Variants in EHBP1 observed in about 807,000 individuals in gnomAD.
EHBP1 encodes EH domain-binding protein 1.
EHBP1 carries 55 observed loss-of-function variants against 144.0 expected under a neutral mutation model. The ratio of observed to expected loss-of-function variants is 0.38; its 90% CI spans 0.31 to 0.48. EHBP1 has a LOEUF of 0.48. Among genes scored for constraint, EHBP1 ranks in the 20% least tolerant of loss-of-function variants. EHBP1 has a pLI of 0.98. For synonymous variants in EHBP1, 469 were observed against 472.7 expected (o/e 0.99, Z 0.10); for missense variants, 1,200 against 1,364.2 (o/e 0.88, Z 1.90).
chr2:62,997,033 C>CA (rs1314585141), intron 19 of EHBP1, among the ~76,000 whole-genome samples: 1 of 151,834 alleles, frequency 6.6e-6, no homozygotes, highest in Non-Finnish European at 1.5e-5. Context: ...ATCTGTGCCT[C>CA]ATTGATATGC....
At chr2:62,704,035 T>G (rs2034360926), upstream of EHBP1, among the ~76,000 whole-genome samples, 1 of 152,192 alleles carries the variant, frequency 6.6e-6, no homozygotes, top group Admixed American at 6.5e-5. Flanking sequence ...ATTAAAAAAC[T>G]CCACACACTT....
At chr2:62,824,177 TAA>T (rs1437699197) in intron 5 of EHBP1, among the ~76,000 whole-genome samples, 1 of 152,024 alleles carries the variant, frequency 6.6e-6, no homozygotes, top group Non-Finnish European at 1.5e-5. Flanking sequence ...ATTCTTAAAC[TAA>T]GTTTTCAAAA....
At chr2:62,728,076 A>C (rs1029004089) in intron 2 of EHBP1, among the ~76,000 whole-genome samples, 1 of 152,240 alleles carries the variant, frequency 6.6e-6, no homozygotes, top group South Asian at 2.1e-4. Flanking sequence ...ACACCCTAGT[A>C]GTCTGGCCAG....
chr2:62,746,650 T>C (rs187685472), intron 2 of EHBP1, among the ~76,000 whole-genome samples: 46 of 152,206 alleles, frequency 3.0e-4, no homozygotes, highest in Non-Finnish European at 4.3e-4. Flanking sequence ...GCAGAAGTAA[T>C]TGCGGTTTTA....
intron 9 of EHBP1, among the ~76,000 whole-genome samples, chr2:62,872,670 G>T (rs1193279907): frequency 1.3e-5 from 2 of 151,946 alleles, no homozygotes; most frequent in Non-Finnish European, 2.9e-5. Flanking sequence ...TCACTATATT[G>T]TTCTACCATT....
chr2:62,994,192 C>T (rs2059538237), intron 18 of EHBP1: 2 of 302,924 alleles, frequency 6.6e-6, no homozygotes, highest in Admixed American at 4.6e-5. Flanking sequence ...AGTTCCACAG[C>T]CCCAGTTTCC....
At chr2:62,938,239 G>C (rs940127823) in intron 10 of EHBP1, among the ~76,000 whole-genome samples, 2 of 152,204 alleles carry the variant, frequency 1.3e-5, no homozygotes, top group African/African-American at 4.8e-5. Context: ...ATGTCAACTT[G>C]AGATAGTTTG....
At chr2:63,032,984 T>A (rs2061324478) in intron 19 of EHBP1, among the ~76,000 whole-genome samples, 1 of 152,194 alleles carries the variant, frequency 6.6e-6, no homozygotes. Context: ...ATTATGAGAT[T>A]CTTCTATGCT....
At chr2:62,715,022 C>G (rs1171559639) in intron 2 of EHBP1, among the ~76,000 whole-genome samples, 1 of 152,108 alleles carries the variant, frequency 6.6e-6, no homozygotes, top group East Asian at 1.9e-4. Flanking sequence ...TTAATTTCTC[C>G]AAAGTAGAAT....
chr2:63,041,069 C>T (rs1213303162), intron 21 of EHBP1, among the ~76,000 whole-genome samples: 5 of 152,132 alleles, frequency 3.3e-5, no homozygotes, highest in Admixed American at 6.5e-5. Context: ...AATAAATCTG[C>T]TGCTGAAACC....
intron 10 of EHBP1, among the ~76,000 whole-genome samples, chr2:62,881,381 G>A (rs72807602): frequency 0.048 from 6,387 of 133,368 alleles, 193 homozygotes; most frequent in Middle Eastern, 0.11. Context: ...ACACATGTAC[G>A]TCCTGAACCT....
intron 1 of EHBP1, among the ~76,000 whole-genome samples, chr2:62,680,271 G>T (rs1378913617): frequency 6.6e-6 from 1 of 152,082 alleles, no homozygotes; most frequent in Non-Finnish European, 1.5e-5. Flanking sequence ...AGTGCCCCTT[G>T]GCTTCATCCT....
At chr2:62,830,150 A>G (rs2046699489) in intron 6 of EHBP1, among the ~76,000 whole-genome samples, 1 of 107,542 alleles carries the variant, frequency 9.3e-6, no homozygotes, top group Non-Finnish European at 1.9e-5. Context: ...ATATATATAT[A>G]TAGACACACA....
chr2:62,934,677 C>A (rs890809816), intron 10 of EHBP1, among the ~76,000 whole-genome samples: 1 of 152,158 alleles, frequency 6.6e-6, no homozygotes, highest in Non-Finnish European at 1.5e-5. Flanking sequence ...CCCATACACA[C>A]AACTGTCAGA....
chr2:62,677,202 C>G (rs1172279747), intron 1 of EHBP1, among the ~76,000 whole-genome samples: 1 of 152,002 alleles, frequency 6.6e-6, no homozygotes, highest in Non-Finnish European at 1.5e-5. Context: ...TCAAAACAAA[C>G]AAACAAAAAA....
chr2:62,919,273 G>C (rs1461279913), intron 10 of EHBP1, among the ~76,000 whole-genome samples: 1 of 152,148 alleles, frequency 6.6e-6, no homozygotes, highest in Non-Finnish European at 1.5e-5. Flanking sequence ...ACTTCCGGGG[G>C]ACTTAAAGGG....
At chr2:62,844,389 AC>A in intron 7 of EHBP1, among the ~76,000 whole-genome samples, 1 of 152,320 alleles carries the variant, frequency 6.6e-6, no homozygotes, top group South Asian at 2.1e-4. Flanking sequence ...TTACTGAGGT[AC>A]AGCACCAGTG....
chr2:63,030,292 C>A (rs6754557), intron 19 of EHBP1, among the ~76,000 whole-genome samples: 5,375 of 151,990 alleles, frequency 0.035, 340 homozygotes, highest in African/African-American at 0.12. Flanking sequence ...ATCCAAATAA[C>A]CTAAATAAAG....
intron 3 of EHBP1, among the ~76,000 whole-genome samples, chr2:62,762,568 A>G (rs968630507): frequency 1.3e-5 from 2 of 152,148 alleles, no homozygotes; most frequent in African/African-American, 2.4e-5. Context: ...GTTAATAGCA[A>G]TTCCTTTCTT....
Sources: gnomAD v4.1 joint callset for allele counts (sites outside exome capture counted in the v4.1 genomes callset) on GRCh38, gnomAD v4.1.1 for gene constraint, MANE v1.5 for transcripts, NCBI Gene and HGNC (gene_info 2026-07-23, HGNC 2026-07-21) for gene names.